Variants in EIF3J observed in about 807,000 individuals in gnomAD.
EIF3J encodes the protein eukaryotic translation initiation factor 3 subunit J.
Under a neutral mutation model 39.0 loss-of-function variants are expected in EIF3J, and 15 were observed. The observed-to-expected ratio is 0.38, with a 90% confidence interval of 0.26 to 0.59. The LOEUF (loss-of-function observed/expected upper bound fraction) is 0.59. EIF3J is among the 20% of genes least tolerant of loss of function. The pLI is 0.60. For synonymous variants in EIF3J, 98 were observed against 112.9 expected (o/e 0.87, Z 0.84); for missense variants, 226 against 308.6 (o/e 0.73, Z 2.00).
At chr15:44,551,836 T>G (rs1595803982) in intron 4 of EIF3J, among the ~76,000 whole-genome samples, 1 of 132,182 alleles carries the variant, frequency 7.6e-6, no homozygotes, top group Admixed American at 7.1e-5. Context: ...TTGTTTTTTG[T>G]TTTTTTTTTT....
chr15:44,557,113 CAAAT>C (rs2082150969), intron 5 of EIF3J, among the ~76,000 whole-genome samples: 1 of 152,052 alleles, frequency 6.6e-6, no homozygotes, highest in African/African-American at 2.4e-5. Flanking sequence ...AGTGGCACGT[CAAAT>C]AATGTCATTT....
intron 2 of EIF3J, among the ~76,000 whole-genome samples, chr15:44,545,929 C>T (rs2082049339): frequency 6.6e-6 from 1 of 152,172 alleles, no homozygotes; most frequent in African/African-American, 2.4e-5. Flanking sequence ...GGGGGAATAA[C>T]ACTACCTTCT....
At position 44,561,237 on chromosome 15, in the gene EIF3J, A is replaced by G. The variant is rs2082191852; in HGVS notation, c.*88A>G. On this transcript the variant is annotated 3_prime_UTR_variant, in exon 8 of 8. Coordinates refer to ENST00000261868, the MANE Select transcript of EIF3J (RefSeq NM_003758.4). ...CTTCCTTTCCTTTCAGTTCTGCCAA[A>G]TGCTACAATCAGAAGTGCAGTATCT... 6.9e-7 allele frequency: 1 copy of G among 1,458,520 alleles called. No homozygotes were observed. The highest frequency in any genetic ancestry group is 9.3e-7 in the Non-Finnish European group (1 of 1,081,034). 90.3% of individuals were successfully genotyped at this position (1,458,520 alleles called of 1,614,324 possible). A position where few individuals can be genotyped will look rare whatever the true frequency, so the allele number is the denominator to read the frequency against.
chr15:44,550,842 T>C, intron 2 of EIF3J, 34 bp from the exon 3 acceptor site: 1 of 1,451,214 alleles, frequency 6.9e-7, no homozygotes, highest in Middle Eastern at 1.8e-4. Context: ...AAAGCAAACA[T>C]GCAAGAATTA....
At chr15:44,538,954 T>C (rs1180217993) in intron 2 of EIF3J, among the ~76,000 whole-genome samples, 10 of 152,054 alleles carry the variant, frequency 6.6e-5, no homozygotes, top group Non-Finnish European at 1.5e-4. Context: ...ATGGATAGTC[T>C]AGACTAATGT....
Position 44,560,407 on chromosome 15 carries a change from T to C in EIF3J, c.645+85T>C, listed in dbSNP as rs769701291. The C allele has an allele frequency of 1.6e-5, 21 of 1,325,606 alleles. No homozygotes were observed. In the South Asian group the frequency reaches 2.6e-4, roughly 16 times the overall value. 82.1% of individuals were successfully genotyped at this position (1,325,606 alleles called of 1,614,324 possible). On this transcript the variant is annotated intron_variant, in intron 7 of 7. Coordinates refer to ENST00000261868, the MANE Select transcript of EIF3J (RefSeq NM_003758.4). ...AGTCAACAAATATAATAGGAGCCTG[T>C]CCTAATTAAAAGTCAAGCAACTCAC...
intron 2 of EIF3J, among the ~76,000 whole-genome samples, chr15:44,539,007 G>C (rs927995918): frequency 6.6e-5 from 10 of 151,866 alleles, no homozygotes; most frequent in Admixed American, 4.6e-4. Context: ...AAATGGTATC[G>C]ATCTTGATGA....
At chr15:44,556,333 A>G (rs533393560) in intron 5 of EIF3J, among the ~76,000 whole-genome samples, 2 of 152,090 alleles carry the variant, frequency 1.3e-5, no homozygotes, top group South Asian at 4.2e-4. Context: ...TCCCTTTTGT[A>G]ATGTAATATG....
rs1389428658 is a variant in EIF3J at position 44,561,652 on chromosome 15, T to TTATC, written c.*505_*508dup. 2 of 152,626 alleles carry TTATC rather than the reference T, an allele frequency of 1.3e-5. No homozygotes were observed. The highest frequency in any genetic ancestry group is 2.9e-5 in the Non-Finnish European group (2 of 68,094). The allele number at this position is 152,626 out of a possible 1,614,324, so 9.5% of individuals were successfully genotyped here. On this transcript the variant is annotated 3_prime_UTR_variant, in exon 8 of 8. Transcript: ENST00000261868. The stretch of plus-strand genomic sequence containing the variant: ...AAAAATACATTGTGAAGAAGACTGC[T>TTATC]TATCTCAGAGTGAAGATACTGCGGC...
intron 2 of EIF3J, among the ~76,000 whole-genome samples, chr15:44,538,094 AC>A (rs2081975819): frequency 3.3e-5 from 5 of 152,210 alleles, no homozygotes; most frequent in Non-Finnish European, 7.4e-5. Context: ...GACGACAGTT[AC>A]TCAACTACAC....
intron 5 of EIF3J, among the ~76,000 whole-genome samples, chr15:44,555,798 A>G (rs541567365): frequency 6.6e-6 from 1 of 152,368 alleles, no homozygotes; most frequent in South Asian, 2.1e-4. Context: ...TATTGTTAAT[A>G]ACTAATCTAC....
intron 6 of EIF3J, 130 bp from the exon 7 acceptor site, chr15:44,560,119 G>A (rs949919440): frequency 1.4e-6 from 1 of 700,244 alleles, no homozygotes; most frequent in Middle Eastern, 4.2e-4. Flanking sequence ...TGAACAAATT[G>A]GATTTCTCAT....
intron 5 of EIF3J, among the ~76,000 whole-genome samples, chr15:44,554,940 A>G (rs150902115): frequency 0.017 from 2,598 of 152,328 alleles, 36 homozygotes; most frequent in Middle Eastern, 0.037. Context: ...ACTGCATAGA[A>G]TATTTTTATC....
chr15:44,540,253 ATATATATATATATATTTTTT>A (rs1461701557), intron 2 of EIF3J, among the ~76,000 whole-genome samples: 2 of 50,496 alleles, frequency 4.0e-5, no homozygotes, highest in East Asian at 6.2e-4. Context: ...ATATATATAT[ATATATATATATATATTTTTT>A]TTTTTTTTTT....
chr15:44,555,885 G>T (rs1181424462), intron 5 of EIF3J, among the ~76,000 whole-genome samples: 1 of 151,574 alleles, frequency 6.6e-6, no homozygotes, highest in Non-Finnish European at 1.5e-5. Flanking sequence ...TTCTAACAGG[G>T]TCTGGCTCTG....
intron 2 of EIF3J, among the ~76,000 whole-genome samples, chr15:44,540,530 C>G (rs565663346): frequency 6.6e-6 from 1 of 151,850 alleles, no homozygotes; most frequent in East Asian, 1.9e-4. Flanking sequence ...GCCTTGGCCT[C>G]CCAGAGTGCT....
chr15:44,548,197 C>A (rs917992117), intron 2 of EIF3J, among the ~76,000 whole-genome samples: 3 of 152,038 alleles, frequency 2.0e-5, no homozygotes, highest in Non-Finnish European at 4.4e-5. Context: ...TGAGGATCAC[C>A]TGATGTCAGG....
Position 44,551,505 on chromosome 15 carries a change from G to A in EIF3J, c.277G>A (p.Glu93Lys). ...EKERQQKKRQ[E>K]EIKKRLEEPE... ...AGAACGGCAACAGAAGAAAAGGCAA[G>A]AAGAAATTAAAAAGAGGGTAAATTC... The change falls in exon 4 of 8, where the codon GAA becomes AAA. Residue 93 changes from glutamate (E) to lysine (K), a missense_variant. Glu to Lys is a moderately conservative substitution (Grantham distance 56). Around this residue, in one of 2 missense-constraint regions of EIF3J, gnomAD observed 143 missense variants for 156.0 expected, o/e 0.92. Coordinates refer to ENST00000261868, the MANE Select transcript of EIF3J (RefSeq NM_003758.4). The A allele has an allele frequency of 3.8e-6, 6 of 1,590,374 alleles. No individual in the cohort carries two copies. The highest frequency in any genetic ancestry group is 4.3e-6 in the Non-Finnish European group (5 of 1,170,998).
intron 2 of EIF3J, among the ~76,000 whole-genome samples, chr15:44,540,997 T>C (rs576260143): frequency 1.3e-5 from 2 of 152,230 alleles, no homozygotes; most frequent in Non-Finnish European, 1.5e-5. Flanking sequence ...AATAGCTGTC[T>C]GGCAGTGGCA....
Sources: allele counts gnomAD v4.1 joint callset (sites outside exome capture counted in the v4.1 genomes callset), GRCh38; gene constraint gnomAD v4.1.1; regional missense constraint gnomAD v4.1.1; transcripts MANE v1.5; gene names NCBI Gene and HGNC (gene_info 2026-07-23, HGNC 2026-07-21).